NAALADL2: variants seen among roughly 807,000 people sequenced by gnomAD.
The protein encoded by NAALADL2 is N-acetylated alpha-linked acidic dipeptidase like 2.
In NAALADL2, 76 loss-of-function variants were observed where a neutral mutation model predicts 87.2. The observed-to-expected ratio is 0.87, with a 90% confidence interval of 0.72 to 1.05. The LOEUF (loss-of-function observed/expected upper bound fraction) is 1.05. Among genes scored for constraint, NAALADL2 ranks in the 50% least tolerant of loss-of-function variants. The pLI is 0.00. For synonymous variants in NAALADL2, 354 were observed against 331.0 expected, an observed-to-expected ratio of 1.07 and a Z score of -0.75; for missense variants, 1,089 against 945.8, an observed-to-expected ratio of 1.15 and a Z score of -1.99.
At chr3:174,963,254 A>G (rs1320641400) in intron 1 of NAALADL2, among the ~76,000 whole-genome samples, 3 of 152,150 alleles carry the variant, frequency 2.0e-5, no homozygotes, top group East Asian at 1.9e-4. Context: ...AAAAGGTACA[A>G]TGGATGACTG....
intron 2 of NAALADL2, among the ~76,000 whole-genome samples, chr3:175,224,166 A>G (rs1038514809): frequency 7.9e-5 from 12 of 152,092 alleles, no homozygotes; most frequent in African/African-American, 2.9e-4. Flanking sequence ...AGACTGGGAT[A>G]ATTATAGGTC....
At chr3:175,655,619 TAC>T (rs2149798050) in intron 11 of NAALADL2, 1 of 185,636 alleles carries the variant, frequency 5.4e-6, no homozygotes, top group South Asian at 8.7e-5. Flanking sequence ...GATTTCCTGT[TAC>T]CCCAACGATA....
intron 10 of NAALADL2, among the ~76,000 whole-genome samples, chr3:175,607,051 G>A (rs1723855537): frequency 6.6e-6 from 1 of 152,188 alleles, no homozygotes; most frequent in Non-Finnish European, 1.5e-5. Context: ...ATGTATGAAA[G>A]AAAATTACAC....
At chr3:175,776,700 T>TC (rs1750290210) in intron 13 of NAALADL2, among the ~76,000 whole-genome samples, 1 of 152,152 alleles carries the variant, frequency 6.6e-6, no homozygotes, top group Non-Finnish European at 1.5e-5. Flanking sequence ...AGAAAGTCTG[T>TC]CAATGATTAA....
intron 1 of NAALADL2, among the ~76,000 whole-genome samples, chr3:174,885,458 A>G (rs1191268365): frequency 6.6e-6 from 1 of 152,124 alleles, no homozygotes; most frequent in Non-Finnish European, 1.5e-5. Flanking sequence ...TTCTCCACAT[A>G]TGGTCAAAGG....
chr3:175,803,736 C>A lies in NAALADL2; in HGVS notation c.*533C>A, dbSNP rs896358803. On this transcript the variant is annotated 3_prime_UTR_variant, in exon 14 of 14. Transcript: ENST00000454872. Reference sequence around the variant, plus strand: ...TATTTTATGAAATGAAGTTTCTCTTCTTAACACAACTAGATGTAGTAATAC... The same window carrying A: ...TATTTTATGAAATGAAGTTTCTCTTATTAACACAACTAGATGTAGTAATAC... The A allele has an allele frequency of 1.3e-5, 2 of 152,412 alleles. No individual in the cohort carries two copies. The highest frequency in any genetic ancestry group is 6.6e-5 in the Admixed American group (1 of 15,206). The allele number at this position is 152,412 out of a possible 1,614,324, so 9.4% of individuals were successfully genotyped here.
intron 1 of NAALADL2, among the ~76,000 whole-genome samples, chr3:174,907,265 T>C (rs1188019260): frequency 6.6e-6 from 1 of 151,866 alleles, no homozygotes; most frequent in Non-Finnish European, 1.5e-5. Flanking sequence ...ATCTTAGATC[T>C]AAAAAAAGAA....
chr3:174,895,990 C>G (rs886645839), intron 1 of NAALADL2, among the ~76,000 whole-genome samples: 1 of 151,812 alleles, frequency 6.6e-6, no homozygotes, highest in African/African-American at 2.4e-5. Flanking sequence ...AATTTAACAT[C>G]GTTACATGAT....
intron 6 of NAALADL2, among the ~76,000 whole-genome samples, chr3:175,460,972 C>T (rs1363605370): frequency 6.6e-6 from 1 of 152,188 alleles, no homozygotes; most frequent in East Asian, 1.9e-4. Flanking sequence ...TCCCCACCCA[C>T]GTCCTGCTGA....
intron 2 of NAALADL2, among the ~76,000 whole-genome samples, chr3:175,118,089 G>A (rs1725555573): frequency 6.7e-6 from 1 of 148,334 alleles, no homozygotes; most frequent in Non-Finnish European, 1.5e-5. Context: ...AACAGGATGG[G>A]GAACATCACA....
At chr3:174,511,732 C>T (rs1301246701) in intron 1 of NAALADL2, among the ~76,000 whole-genome samples, 1 of 150,872 alleles carries the variant, frequency 6.6e-6, no homozygotes, top group African/African-American at 2.4e-5. Flanking sequence ...TTGTTACTGT[C>T]ACCCTGTTTT....
At chr3:174,503,314 CATG>C (rs899416130) in intron 1 of NAALADL2, among the ~76,000 whole-genome samples, 6 of 152,090 alleles carry the variant, frequency 3.9e-5, no homozygotes, top group African/African-American at 1.4e-4. Context: ...ACAAAGAGTC[CATG>C]ATATGTTTTT....
intron 11 of NAALADL2, among the ~76,000 whole-genome samples, chr3:175,697,630 A>G (rs1738022214): frequency 6.6e-6 from 1 of 151,484 alleles, no homozygotes; most frequent in Non-Finnish European, 1.5e-5. Flanking sequence ...TAACCTGTCC[A>G]CTATTTAATC....
chr3:174,778,794 C>T (rs522753), intron 3 of NAALADL2, among the ~76,000 whole-genome samples: 45,781 of 151,992 alleles, frequency 0.3, 6,944 homozygotes, highest in Middle Eastern at 0.37. Flanking sequence ...CATGCCCCTG[C>T]AAAGGACATG....
chr3:174,794,562 C>G (rs1019159835), intron 3 of NAALADL2, among the ~76,000 whole-genome samples: 1 of 152,114 alleles, frequency 6.6e-6, no homozygotes, highest in Admixed American at 6.5e-5. Flanking sequence ...TGCAGGATAT[C>G]TTTTTCTTAT....
intron 3 of NAALADL2, among the ~76,000 whole-genome samples, chr3:174,809,208 G>C (rs2109286171): frequency 6.6e-6 from 1 of 152,256 alleles, no homozygotes; most frequent in East Asian, 1.9e-4. Context: ...TATGCAGTCA[G>C]ATATAGAAAC....
At chr3:175,203,065 A>G (rs952180973) in intron 2 of NAALADL2, among the ~76,000 whole-genome samples, 3 of 152,114 alleles carry the variant, frequency 2.0e-5, no homozygotes, top group Admixed American at 1.3e-4. Flanking sequence ...TCCTAGCTGC[A>G]AAAGAAAAAG....
At chr3:174,925,025 G>A (rs1166050093) in intron 1 of NAALADL2, among the ~76,000 whole-genome samples, 1 of 152,120 alleles carries the variant, frequency 6.6e-6, no homozygotes, top group East Asian at 1.9e-4. Flanking sequence ...TAGGTTGCCT[G>A]CTCACTCTGA....
At chr3:174,608,251 A>C (rs1187956291) in intron 2 of NAALADL2, among the ~76,000 whole-genome samples, 1 of 152,164 alleles carries the variant, frequency 6.6e-6, no homozygotes, top group Non-Finnish European at 1.5e-5. Context: ...ATCACAATTA[A>C]AAGAACTAGA....
Sources: gnomAD v4.1 joint callset for allele counts (sites outside exome capture counted in the v4.1 genomes callset) on GRCh38, gnomAD v4.1.1 for gene constraint, MANE v1.5 for transcripts, NCBI Gene and HGNC (gene_info 2026-07-23, HGNC 2026-07-21) for gene names.